TRMT1L: variants seen among roughly 807,000 people sequenced by gnomAD.
TRMT1L encodes the protein tRNA methyltransferase 1L.
In TRMT1L, 28 loss-of-function variants were observed where a neutral mutation model predicts 81.6. The ratio of observed to expected loss-of-function variants is 0.34; its 90% CI spans 0.25 to 0.47. The LOEUF is 0.47. Ranked by LOEUF, TRMT1L falls within the 20% of genes least tolerant of loss-of-function variation. TRMT1L has a pLI of 1.00. For missense variants in TRMT1L, 739 were observed against 877.1 expected, an observed-to-expected ratio of 0.84 and a Z score of 1.99; for synonymous variants, 301 against 303.2, an observed-to-expected ratio of 0.99 and a Z score of 0.07.
intron 11 of TRMT1L, among the ~76,000 whole-genome samples, chr1:185,126,736 T>C (rs1368484485): frequency 6.6e-6 from 1 of 152,172 alleles, no homozygotes; most frequent in Non-Finnish European, 1.5e-5. Flanking sequence ...CATAAGGTTT[T>C]ATTAAGAATT....
At chr1:185,133,103 A>C (rs1358274845) in intron 10 of TRMT1L, among the ~76,000 whole-genome samples, 1 of 152,232 alleles carries the variant, frequency 6.6e-6, no homozygotes, top group Non-Finnish European at 1.5e-5. Flanking sequence ...AAAATGTAGC[A>C]AAGAGTTTAG....
At chr1:185,128,229 CTT>C (rs1396449257) in intron 11 of TRMT1L, among the ~76,000 whole-genome samples, 2 of 152,190 alleles carry the variant, frequency 1.3e-5, no homozygotes, top group East Asian at 1.9e-4. Flanking sequence ...ATCTAAATAA[CTT>C]TATCTAAAAC....
At chr1:185,152,567 T>C (rs796863258) in intron 1 of TRMT1L, among the ~76,000 whole-genome samples, 1 of 152,178 alleles carries the variant, frequency 6.6e-6, no homozygotes, top group Non-Finnish European at 1.5e-5. Flanking sequence ...AAGTGAATTA[T>C]ACGATCTGAA....
chr1:185,151,285 T>C (rs1218929898), intron 2 of TRMT1L, among the ~76,000 whole-genome samples: 2 of 152,180 alleles, frequency 1.3e-5, no homozygotes, highest in African/African-American at 4.8e-5. Context: ...ATATTAATAA[T>C]TTTTAACCCA....
At position 185,118,355 on chromosome 1, in the gene TRMT1L, A is replaced by C. The variant is rs1557982134; in HGVS notation, c.*1664T>G. 6.6e-6 allele frequency: 1 copy of C among 152,160 alleles called. No homozygotes were observed. Among genetic ancestry groups the C allele is most frequent in the Non-Finnish European group, 1.5e-5 (1 of 68,016 alleles). 9.4% of individuals were successfully genotyped at this position (152,160 alleles called of 1,614,324 possible). A position where few individuals can be genotyped will look rare whatever the true frequency, so the allele number is the denominator to read the frequency against. The stretch of plus-strand genomic sequence containing the variant: ...AATATACACATATATTTTAGGTAAC[A>C]GTAATTTACAGGTTTCTTTATTAAA... On this transcript the variant is annotated 3_prime_UTR_variant, in exon 15 of 15. Transcript: ENST00000367506.
chr1:185,125,247 A>T, intron 11 of TRMT1L, 137 bp from the exon 12 acceptor site: 1 of 541,452 alleles, frequency 1.8e-6, no homozygotes, highest in African/African-American at 2.0e-5. Context: ...AAAAGAATTT[A>T]TGATTTAATT....
chr1:185,123,951 AT>A, intron 12 of TRMT1L, 32 bp from the exon 13 acceptor site: 1 of 1,241,288 alleles, frequency 8.1e-7, no homozygotes. Context: ...AAAAGAAAAT[AT>A]TTTACAGAAT....
chr1:185,127,963 A>C (rs951360897), intron 11 of TRMT1L, among the ~76,000 whole-genome samples: 1 of 151,576 alleles, frequency 6.6e-6, no homozygotes, highest in Non-Finnish European at 1.5e-5. Context: ...AAAGTACAAA[A>C]ATCAGCCAGG....
Position 185,139,521 on chromosome 1 carries a change from T to C in TRMT1L, c.1168A>G (p.Arg390Gly). 1.2e-6 allele frequency: 2 copies of C among 1,614,054 alleles called. No homozygotes were observed. The highest frequency in any genetic ancestry group is 1.7e-6 in the Non-Finnish European group (2 of 1,180,000). Residue 390 changes from arginine to glycine, a missense_variant, in exon 9 of 15, where the codon AGA becomes GGA. Transcript: ENST00000367506. ...GTCACTGACACTATGCCAAGGTTTC[T>C]TATATTTCTGAATGCAGAATCTAGA... Reference protein sequence around the residue: ...NYLDSAFRNIRNLGIVSVTST... With the variant: ...NYLDSAFRNIGNLGIVSVTST...
chr1:185,125,995 A>G (rs1459281430), intron 11 of TRMT1L, among the ~76,000 whole-genome samples: 1 of 152,206 alleles, frequency 6.6e-6, no homozygotes, highest in Non-Finnish European at 1.5e-5. Flanking sequence ...TGAATCTGAT[A>G]TGCTTCCCAT....
In TRMT1L at chr1:185,124,715, C is replaced by T. The variant is rs539573849; in HGVS notation, c.1759+229G>A. On this transcript the variant is annotated intron_variant, in intron 12 of 14. Transcript: ENST00000367506. ...AGTATCCAAAAAAAAAACAACAAAA[C>T]CAACAACACTATTCATCATTCACCT... 19 of 261,316 alleles carry T rather than the reference C, an allele frequency of 7.3e-5. No individual in the cohort carries two copies. The South Asian group carries it at 2.1e-3, about 29-fold the overall frequency. 16.2% of individuals were successfully genotyped at this position (261,316 alleles called of 1,614,324 possible).
chr1:185,132,878 G>C (rs1457410590), intron 10 of TRMT1L, among the ~76,000 whole-genome samples: 1 of 152,102 alleles, frequency 6.6e-6, no homozygotes. Context: ...AAGGAAAGTG[G>C]GAAAATACAC....
intron 10 of TRMT1L, among the ~76,000 whole-genome samples, chr1:185,137,040 G>A (rs1314766898): frequency 1.3e-5 from 2 of 151,776 alleles, no homozygotes; most frequent in South Asian, 2.1e-4. Context: ...ACTTAACATA[G>A]TAAGTGCTAA....
Position 185,151,916 on chromosome 1 carries a change from T to C in TRMT1L, c.255A>G (p.Gln85=), listed in dbSNP as rs761269341. The change falls in exon 2 of 15, where the codon CAA becomes CAG. Residue 85 remains glutamine, a synonymous_variant. Transcript: ENST00000367506. ...EAKSKRHISI[Q]RQLADLENLA... ...AATTCTCTAGATCAGCAAGCTGCCT[T>C]TGAATTGAGATGTGTCTCTCTGAAA... The C allele has an allele frequency of 8.7e-6, 14 of 1,600,070 alleles. No homozygotes were observed. In the East Asian group the frequency reaches 2.9e-4, roughly 33 times the overall value.
intron 7 of TRMT1L, among the ~76,000 whole-genome samples, chr1:185,140,986 CAACAAA>C (rs1318622177): frequency 2.0e-3 from 274 of 135,664 alleles, no homozygotes; most frequent in African/African-American, 7.0e-3. Flanking sequence ...AAAAAAAAAA[CAACAAA>C]AACAAAAACA....
Position 185,120,488 on chromosome 1 carries a change from A to C in TRMT1L, c.1844T>G (p.Met615Arg). 6.3e-7 allele frequency: 1 copy of C among 1,592,976 alleles called. No homozygotes were observed. Among genetic ancestry groups the C allele is most frequent in the Non-Finnish European group, 8.5e-7 (1 of 1,173,414 alleles). ...IAQGKRKSNE[M>R]ITNLGKKQKT... ...TTGCTTCTTGCCTAAATTTGTGATC[A>C]TTTCATTACTTTTTCTCTTTCCTGC... The change falls in exon 14 of 15, where the codon ATG (methionine) becomes AGG (arginine). Residue 615 changes from methionine (M) to arginine (R), a missense_variant. Physicochemically the swap from Met to Arg is moderately conservative, Grantham distance 91 (BLOSUM62 -1). This residue lies in a region of TRMT1L where 196 missense variants were observed against 232.6 expected (regional missense o/e 0.84). Transcript: ENST00000367506.
intron 13 of TRMT1L, among the ~76,000 whole-genome samples, 164 bp downstream of exon 13, chr1:185,123,693 A>T (rs578131139): frequency 1.1e-3 from 167 of 152,310 alleles, no homozygotes; most frequent in Middle Eastern, 3.4e-3. Context: ...GAAATTTCCT[A>T]TGTGTGAATG....
At chr1:185,127,907 A>G (rs1215068765) in intron 11 of TRMT1L, among the ~76,000 whole-genome samples, 1 of 152,126 alleles carries the variant, frequency 6.6e-6, no homozygotes, top group Non-Finnish European at 1.5e-5. Flanking sequence ...TGAGATCAGG[A>G]GTTCGAGACC....
At chr1:185,129,512 C>T (rs1486608288) in intron 10 of TRMT1L, among the ~76,000 whole-genome samples, 1 of 152,180 alleles carries the variant, frequency 6.6e-6, no homozygotes, top group Admixed American at 6.5e-5. Context: ...CCATTCAAGG[C>T]CCAAATAGTC....
Sources: gnomAD v4.1 joint callset for allele counts (sites outside exome capture counted in the v4.1 genomes callset) on GRCh38, gnomAD v4.1.1 for gene constraint, gnomAD v4.1.1 regional missense constraint, MANE v1.5 for transcripts, NCBI Gene and HGNC (gene_info 2026-07-23, HGNC 2026-07-21) for gene names.